CACNA2D3: variants seen among roughly 807,000 people sequenced by gnomAD.
CACNA2D3 encodes the protein calcium voltage-gated channel auxiliary subunit alpha2delta 3.
Under a neutral mutation model 160.6 loss-of-function variants are expected in CACNA2D3, and 60 were observed. The observed-to-expected ratio is 0.37, with a 90% CI of 0.30 to 0.46. CACNA2D3 has a LOEUF of 0.46. Among genes scored for constraint, CACNA2D3 ranks in the 20% least tolerant of loss-of-function variants. The pLI, the probability that CACNA2D3 is intolerant of heterozygous loss-of-function variation, is 1.00. For missense variants in CACNA2D3, 1,205 were observed against 1,365.0 expected (o/e 0.88, Z 1.85); for synonymous variants, 558 against 492.9 (o/e 1.13, Z -1.75).
chr3:54,966,168 G>A (rs1458410664), intron 27 of CACNA2D3, among the ~76,000 whole-genome samples: 1 of 152,108 alleles, frequency 6.6e-6, no homozygotes, highest in African/African-American at 2.4e-5. Context: ...GGAGACTCAT[G>A]GAAGCTCAAG....
At chr3:54,773,706 A>G (rs974225853) in intron 13 of CACNA2D3, among the ~76,000 whole-genome samples, 1 of 152,216 alleles carries the variant, frequency 6.6e-6, no homozygotes, top group Non-Finnish European at 1.5e-5. Flanking sequence ...GATGTTAAAA[A>G]TATGAGTGTA....
intron 4 of CACNA2D3, among the ~76,000 whole-genome samples, chr3:54,464,578 C>A (rs548627302): frequency 6.6e-6 from 1 of 152,178 alleles, no homozygotes; most frequent in Non-Finnish European, 1.5e-5. Flanking sequence ...CCCTCCGAGC[C>A]AAGTGCGGGA....
At chr3:54,566,283 G>C (rs776660097) in intron 6 of CACNA2D3, among the ~76,000 whole-genome samples, 11 of 152,178 alleles carry the variant, frequency 7.2e-5, no homozygotes, top group Non-Finnish European at 1.0e-4. Context: ...TGGACACTGG[G>C]CATGCCCATC....
chr3:54,339,003 T>C lies in CACNA2D3; in HGVS notation c.321+18445T>C, dbSNP rs530783813. 9.2e-5 allele frequency among the ~76,000 whole-genome samples: 14 copies of C among 152,332 alleles called. No individual in the cohort carries two copies. In the South Asian group the frequency reaches 2.9e-3, roughly 32 times the overall value. ...GGATTATTTCGCAGTCTATAGAATG[T>C]ATACATCAAAGCAACCGGTATTAAT... On this transcript the variant is annotated intron_variant, in intron 3 of 37. Transcript: ENST00000474759.
chr3:54,323,988 A>C (rs999795875), intron 3 of CACNA2D3, among the ~76,000 whole-genome samples: 4 of 152,202 alleles, frequency 2.6e-5, no homozygotes, highest in African/African-American at 9.7e-5. Context: ...GTTCACAAAC[A>C]ACCCTGATTT....
At chr3:54,876,673 C>T (rs1185763110) in intron 18 of CACNA2D3, among the ~76,000 whole-genome samples, 1 of 152,142 alleles carries the variant, frequency 6.6e-6, no homozygotes, top group African/African-American at 2.4e-5. Context: ...GCCTCGTTAC[C>T]CTGGGCAAAC....
intron 4 of CACNA2D3, among the ~76,000 whole-genome samples, chr3:54,447,641 G>A (rs531763695): frequency 3.9e-5 from 6 of 152,328 alleles, no homozygotes; most frequent in Non-Finnish European, 8.8e-5. Flanking sequence ...TGACATTCAG[G>A]CAGGGACTGC....
intron 17 of CACNA2D3, among the ~76,000 whole-genome samples, chr3:54,871,224 C>CAT (rs1491220764): frequency 0.011 from 1,197 of 109,210 alleles, 21 homozygotes; most frequent in African/African-American, 0.044. Context: ...CACACACACA[C>CAT]CCCCCATTCA....
chr3:54,943,662 C>T (rs1701535229), intron 27 of CACNA2D3, among the ~76,000 whole-genome samples: 1 of 150,994 alleles, frequency 6.6e-6, no homozygotes, highest in South Asian at 2.1e-4. Context: ...CCATGTGTTT[C>T]ATCAGATGTC....
chr3:54,425,718 A>G (rs1296733439), intron 4 of CACNA2D3, among the ~76,000 whole-genome samples: 2 of 152,218 alleles, frequency 1.3e-5, no homozygotes, highest in Non-Finnish European at 2.9e-5. Flanking sequence ...TGCTTGTGTC[A>G]GTGAACCAGC....
At chr3:54,850,399 G>A (rs1377617272) in intron 17 of CACNA2D3, among the ~76,000 whole-genome samples, 2 of 152,166 alleles carry the variant, frequency 1.3e-5, no homozygotes, top group Admixed American at 1.3e-4. Flanking sequence ...CCCCTGGAAT[G>A]TTTGTTTGTT....
chr3:54,247,400 G>C (rs575147846), intron 2 of CACNA2D3, among the ~76,000 whole-genome samples: 2 of 152,070 alleles, frequency 1.3e-5, no homozygotes, highest in Non-Finnish European at 2.9e-5. Context: ...CAAGATATGA[G>C]AGAACAATAT....
chr3:54,810,564 C>A (rs375433649), intron 13 of CACNA2D3, among the ~76,000 whole-genome samples: 1 of 152,208 alleles, frequency 6.6e-6, no homozygotes, highest in Non-Finnish European at 1.5e-5. Context: ...ATCATTCATT[C>A]ATGAGGCCCG....
At chr3:55,010,288 G>A (rs1575434208) in intron 34 of CACNA2D3, among the ~76,000 whole-genome samples, 2 of 152,042 alleles carry the variant, frequency 1.3e-5, no homozygotes, top group African/African-American at 2.4e-5. Flanking sequence ...CGGGTACTAC[G>A]TTCACTACCA....
intron 11 of CACNA2D3, among the ~76,000 whole-genome samples, chr3:54,741,612 A>C (rs1035688751): frequency 5.3e-5 from 8 of 151,806 alleles, no homozygotes; most frequent in African/African-American, 1.9e-4. Flanking sequence ...AAAAAAAAAA[A>C]AGACTGTTAT....
rs551789622 is a variant in CACNA2D3, at chr3:54,788,257, G to A, written c.1380+23906G>A. Among the ~76,000 whole-genome samples, 5 of 152,254 alleles carry A rather than the reference G, an allele frequency of 3.3e-5. No homozygotes were observed. The East Asian group carries it at 9.6e-4, about 29-fold the overall frequency. On this transcript the variant is annotated intron_variant, in intron 13 of 37. Coordinates refer to ENST00000474759, the MANE Select transcript of CACNA2D3 (RefSeq NM_018398.3). Reference sequence around the variant, plus strand: ...CCAGTGTTGGACATGGTAATCTTAAGGAAGGCTGTTCCTCAATATAGCCTG... The same window carrying A: ...CCAGTGTTGGACATGGTAATCTTAAAGAAGGCTGTTCCTCAATATAGCCTG...
At chr3:54,631,086 C>A (rs1699227289) in intron 10 of CACNA2D3, among the ~76,000 whole-genome samples, 1 of 151,984 alleles carries the variant, frequency 6.6e-6, no homozygotes, top group African/African-American at 2.4e-5. Flanking sequence ...CGCCTGTAAT[C>A]CCAGCTATTC....
intron 2 of CACNA2D3, among the ~76,000 whole-genome samples, chr3:54,179,222 CTGTT>C (rs1374625117): frequency 6.6e-6 from 1 of 152,180 alleles, no homozygotes; most frequent in African/African-American, 2.4e-5. Flanking sequence ...GAAGATTAAA[CTGTT>C]TGACTCAAAG....
At chr3:54,763,015 G>T (rs896941794) in intron 12 of CACNA2D3, among the ~76,000 whole-genome samples, 4 of 151,426 alleles carry the variant, frequency 2.6e-5, no homozygotes, top group South Asian at 2.1e-4. Flanking sequence ...GTGAACCCGG[G>T]AGGCGGAGCT....
Sources: allele counts gnomAD v4.1 joint callset (sites outside exome capture counted in the v4.1 genomes callset), GRCh38; gene constraint gnomAD v4.1.1; transcripts MANE v1.5; gene names NCBI Gene and HGNC (gene_info 2026-07-23, HGNC 2026-07-21).